KIF6: variants seen among roughly 807,000 people sequenced by gnomAD.
KIF6 encodes kinesin family member 6.
Under a neutral mutation model 112.7 loss-of-function variants are expected in KIF6, and 106 were observed. The observed-to-expected ratio is 0.94, with a 90% CI of 0.80 to 1.11. The LOEUF is 1.11. Ranked by LOEUF, KIF6 falls within the 50% of genes least tolerant of loss-of-function variation. The probability of loss-of-function intolerance (pLI) is 0.00; values close to 1 mark genes in which losing one functional copy is unlikely to be tolerated. For missense variants in KIF6, 929 were observed against 964.0 expected (o/e 0.96, Z 0.48); for synonymous variants, 339 against 339.9 (o/e 1.00, Z 0.03).
At chr6:39,571,017 C>A (rs113290348) in intron 10 of KIF6, among the ~76,000 whole-genome samples, 1,828 of 152,196 alleles carry the variant, frequency 0.012, 40 homozygotes, top group African/African-American at 0.041. Flanking sequence ...TACCAGTCAC[C>A]CTAAAATTTA....
chr6:39,635,525 TA>T (rs1784581025), intron 4 of KIF6, among the ~76,000 whole-genome samples: 1 of 152,116 alleles, frequency 6.6e-6, no homozygotes, highest in African/African-American at 2.4e-5. Context: ...TGGACATTAA[TA>T]GTTCACTGCC....
intron 1 of KIF6, among the ~76,000 whole-genome samples, chr6:39,723,675 A>G (rs1341269941): frequency 6.6e-6 from 1 of 152,192 alleles, no homozygotes; most frequent in Non-Finnish European, 1.5e-5. Flanking sequence ...GTTCTCACTC[A>G]TAAGTGGGAG....
chr6:39,666,850 C>T (rs1200283956), intron 3 of KIF6, among the ~76,000 whole-genome samples: 1 of 152,122 alleles, frequency 6.6e-6, no homozygotes. Context: ...GGGATTGTGG[C>T]CTACAAATTT....
At chr6:39,581,407 C>T (rs1781289238) in intron 9 of KIF6, among the ~76,000 whole-genome samples, 1 of 151,994 alleles carries the variant, frequency 6.6e-6, no homozygotes, top group South Asian at 2.1e-4. Flanking sequence ...TCCACCCACT[C>T]GGCCTCCCAA....
chr6:39,665,140 A>C (rs948915045), intron 3 of KIF6, among the ~76,000 whole-genome samples: 3 of 152,218 alleles, frequency 2.0e-5, no homozygotes, highest in Non-Finnish European at 2.9e-5. Flanking sequence ...AACTGTGGTC[A>C]TCTGAAACAC....
At position 39,333,755 on chromosome 6, in the gene KIF6, C is replaced by T. The variant is rs1762820554; in HGVS notation, c.*2777G>A. On this transcript the variant is annotated 3_prime_UTR_variant, in exon 23 of 23. Coordinates refer to ENST00000287152, the MANE Select transcript of KIF6 (RefSeq NM_145027.6). Reference sequence around the variant, plus strand: ...AAGCTACATTTTAACTTCCCTCCTCCAACCTCCGTCCACCCTACTTCTTGT... The same window carrying T: ...AAGCTACATTTTAACTTCCCTCCTCTAACCTCCGTCCACCCTACTTCTTGT... 1.3e-5 allele frequency: 2 copies of T among 152,240 alleles called. No homozygotes were observed. The highest frequency in any genetic ancestry group is 4.8e-5 in the African/African-American group (2 of 41,462). 9.4% of individuals were successfully genotyped at this position (152,240 alleles called of 1,614,324 possible). A position where few individuals can be genotyped will look rare whatever the true frequency, so the allele number is the denominator to read the frequency against.
At chr6:39,483,305 A>C (rs1774919339) in intron 13 of KIF6, among the ~76,000 whole-genome samples, 1 of 152,206 alleles carries the variant, frequency 6.6e-6, no homozygotes, top group Admixed American at 6.5e-5. Context: ...TGGTGCCTGT[A>C]AACTTGCTTG....
intron 15 of KIF6, among the ~76,000 whole-genome samples, chr6:39,386,959 C>T (rs1157151947): frequency 6.6e-6 from 1 of 152,152 alleles, no homozygotes; most frequent in Non-Finnish European, 1.5e-5. Context: ...ACCTCCAAGG[C>T]TATAGCTGAA....
intron 10 of KIF6, among the ~76,000 whole-genome samples, chr6:39,557,307 C>T (rs1026797651): frequency 6.6e-6 from 1 of 152,020 alleles, no homozygotes; most frequent in African/African-American, 2.4e-5. Context: ...TAAATTGAAT[C>T]ATACATTATC....
intron 20 of KIF6, among the ~76,000 whole-genome samples, chr6:39,346,049 G>GCTCGCTCTCT (rs1554196850): frequency 1.4e-4 from 4 of 28,994 alleles, no homozygotes; most frequent in African/African-American, 5.1e-4. Flanking sequence ...AAACTACAGT[G>GCTCGCTCTCT]CTCTCTCTCT....
rs116444462 is a variant in KIF6, at chr6:39,433,995, T to C, written c.1646-2834A>G. On this transcript the variant is annotated intron_variant, in intron 13 of 22. Coordinates refer to ENST00000287152, the MANE Select transcript of KIF6 (RefSeq NM_145027.6). ...GCTTTTATTTACTGAAGAAATCACT[T>C]CCTTGTCCCTCTGAGGATTTAGAAA... Among the ~76,000 whole-genome samples the C allele has an allele frequency of 5.6e-3, 855 of 152,306 alleles. 4 individuals are homozygous for C. The highest frequency in any genetic ancestry group is 0.02 in the African/African-American group (811 of 41,560).
At chr6:39,582,062 CTA>C (rs1480409310) in intron 9 of KIF6, among the ~76,000 whole-genome samples, 2 of 152,168 alleles carry the variant, frequency 1.3e-5, no homozygotes, top group African/African-American at 2.4e-5. Context: ...GATCATCAAT[CTA>C]TACAGAATGA....
At chr6:39,632,852 C>T (rs986274177) in intron 5 of KIF6, among the ~76,000 whole-genome samples, 2 of 151,968 alleles carry the variant, frequency 1.3e-5, no homozygotes, top group Non-Finnish European at 2.9e-5. Context: ...GATCTCCTGA[C>T]CTTGTGATCT....
intron 13 of KIF6, among the ~76,000 whole-genome samples, chr6:39,491,324 G>C (rs939007281): frequency 3.3e-5 from 5 of 152,056 alleles, no homozygotes; most frequent in Admixed American, 6.6e-5. Context: ...TGTGAAGAGA[G>C]ATAACAGACA....
intron 10 of KIF6, among the ~76,000 whole-genome samples, chr6:39,574,780 T>G (rs1780842473): frequency 6.6e-6 from 1 of 152,194 alleles, no homozygotes; most frequent in Admixed American, 6.5e-5. Flanking sequence ...ATTCATCAGA[T>G]ATTGGTAAAT....
In KIF6 at chr6:39,596,045, C is replaced by T; in HGVS notation, c.846+9G>A. On this transcript the variant is annotated intron_variant, in intron 7 of 22. Transcript: ENST00000287152. ...TAGTTATTAATACATCCCACTCTGC[C>T]CATTTTACCTGTTCTAAGTAATGTA... 1 of 1,608,114 alleles carries T rather than the reference C, an allele frequency of 6.2e-7. No individual in the cohort carries two copies.
intron 15 of KIF6, among the ~76,000 whole-genome samples, chr6:39,388,186 T>A (rs912226829): frequency 2.6e-5 from 4 of 152,174 alleles, no homozygotes; most frequent in Non-Finnish European, 5.9e-5. Flanking sequence ...CCAAACCCCA[T>A]GCCTTGACCA....
chr6:39,535,292 A>G (rs1332408729), intron 13 of KIF6, among the ~76,000 whole-genome samples: 1 of 152,194 alleles, frequency 6.6e-6, no homozygotes, highest in African/African-American at 2.4e-5. Flanking sequence ...GTCAAGACCC[A>G]TCAGTGTGCT....
intron 13 of KIF6, among the ~76,000 whole-genome samples, chr6:39,475,011 T>G (rs1288648677): frequency 1.3e-5 from 2 of 152,244 alleles, no homozygotes; most frequent in African/African-American, 4.8e-5. Context: ...TTCTCTTGCA[T>G]TTCTCAATGC....
Sources: gnomAD v4.1 joint callset for allele counts (sites outside exome capture counted in the v4.1 genomes callset) on GRCh38, gnomAD v4.1.1 for gene constraint, MANE v1.5 for transcripts, NCBI Gene and HGNC (gene_info 2026-07-23, HGNC 2026-07-21) for gene names.